The following DSG2 variants were observed in gnomAD, a reference collection of about 807,000 sequenced individuals.
DSG2 encodes desmoglein-2.
Under a neutral mutation model 75.6 loss-of-function variants are expected in DSG2, and 45 were observed. The observed-to-expected ratio is 0.60, with a 90% CI of 0.47 to 0.76. The LOEUF is 0.76. Ranked by LOEUF, DSG2 falls within the 30% of genes least tolerant of loss-of-function variation. The pLI, the probability that DSG2 is intolerant of heterozygous loss-of-function variation, is 0.00. For missense variants in DSG2, 1,267 were observed against 1,357.4 expected (o/e 0.93, Z 1.05); for synonymous variants, 429 against 483.9 (o/e 0.89, Z 1.49).
At chr18:31,511,069 C>T (rs2073063743) in intron 1 of DSG2, among the ~76,000 whole-genome samples, 1 of 152,186 alleles carries the variant, frequency 6.6e-6, no homozygotes, top group Non-Finnish European at 1.5e-5. Context: ...AGTCATGTTA[C>T]TTGCAGTATA....
chr18:31,514,399 T>G (rs2073082757), intron 1 of DSG2, among the ~76,000 whole-genome samples: 1 of 152,194 alleles, frequency 6.6e-6, no homozygotes, highest in Non-Finnish European at 1.5e-5. Flanking sequence ...TTTATACATG[T>G]TTGCAATTTA....
intron 6 of DSG2, 110 bp from the exon 7 acceptor site, chr18:31,524,338 G>T: frequency 7.0e-7 from 1 of 1,436,764 alleles, no homozygotes. Flanking sequence ...TCATAAAACA[G>T]ATTTGTAAAT....
At chr18:31,526,762 G>A (rs570114598) in intron 8 of DSG2, among the ~76,000 whole-genome samples, 8 of 152,206 alleles carry the variant, frequency 5.3e-5, no homozygotes, top group South Asian at 2.1e-4. Context: ...CGATGGCCCC[G>A]TTAAATTATC....
intron 1 of DSG2, among the ~76,000 whole-genome samples, chr18:31,512,258 G>A (rs775640365): frequency 2.8e-4 from 42 of 152,226 alleles, no homozygotes; most frequent in Admixed American, 1.9e-3. Context: ...TGGAAATGGT[G>A]CCTTCACTCA....
Position 31,538,844 on chromosome 18 carries a change from A to G in DSG2, c.1745A>G (p.Glu582Gly), listed in dbSNP as rs1233167766. The G allele has an allele frequency of 6.2e-7, 1 of 1,614,098 alleles. No individual in the cohort carries two copies. Among genetic ancestry groups the G allele is most frequent in the African/African-American group, 1.3e-5 (1 of 74,932 alleles). The change falls in exon 12 of 15, where the codon GAA becomes GGA. Residue 582 changes from glutamate to glycine, a missense_variant. Physicochemically the swap from Glu to Gly is moderately conservative, Grantham distance 98. Transcript: ENST00000261590. The part of the protein sequence containing the change: ...ISDNQGFSCP[E>G]KQVLTLTVCE... ...GACAATCAGGGTTTTAGTTGTCCTG[A>G]AAAGCAGGTCCTTACACTCACAGTT...
chr18:31,528,777 T>A lies in DSG2; in HGVS notation c.1015-2210T>A, dbSNP rs192108286. 2.6e-5 allele frequency among the ~76,000 whole-genome samples: 4 copies of A among 151,948 alleles called. No homozygotes were observed. The East Asian group carries it at 7.7e-4, about 29-fold the overall frequency. On this transcript the variant is annotated intron_variant, in intron 8 of 14. Coordinates refer to ENST00000261590, the MANE Select transcript of DSG2 (RefSeq NM_001943.5). ...GGAGCCAGACACAAAATAGTACATA[T>A]TACATGATTCCATTTACTTGAAATT...
chr18:31,522,415 A>G (rs1027117131), intron 6 of DSG2, 166 bp downstream of exon 6: 58 of 643,950 alleles, frequency 9.0e-5, no homozygotes, highest in Non-Finnish European at 1.4e-4. Flanking sequence ...GGGCCATGTG[A>G]CTATTGAGCA....
At chr18:31,512,597 AGGATAAAAC>A (rs1219432274) in intron 1 of DSG2, among the ~76,000 whole-genome samples, 1 of 152,216 alleles carries the variant, frequency 6.6e-6, no homozygotes, top group Non-Finnish European at 1.5e-5. Context: ...TCTCACACTC[AGGATAAAAC>A]CCAAAGTCCT....
At chr18:31,533,625 C>G (rs1374888403) in intron 9 of DSG2, among the ~76,000 whole-genome samples, 1 of 152,196 alleles carries the variant, frequency 6.6e-6, no homozygotes, top group African/African-American at 2.4e-5. Context: ...ATCCCTATTT[C>G]TAAGACTCTG....
intron 1 of DSG2, among the ~76,000 whole-genome samples, chr18:31,515,045 G>A (rs2073086483): frequency 6.6e-6 from 1 of 152,150 alleles, no homozygotes; most frequent in African/African-American, 2.4e-5. Flanking sequence ...ACTTAATATG[G>A]CCTGTATCAA....
In DSG2 at chr18:31,529,026, CA is replaced by C. The variant is rs1160222947; in HGVS notation, c.1015-1956del. ...TAAGTTATACCTGAATGAAGCTGTC[CA>C]AAAAGGATAAAGGAGATGAACGGAT... On this transcript the variant is annotated intron_variant, in intron 8 of 14. Coordinates refer to ENST00000261590, the MANE Select transcript of DSG2 (RefSeq NM_001943.5). Among the ~76,000 whole-genome samples, 77 of 151,618 alleles carry C rather than the reference CA, an allele frequency of 5.1e-4. 4 individuals are homozygous for C.
intron 8 of DSG2, among the ~76,000 whole-genome samples, chr18:31,530,703 G>A (rs1342028791): frequency 6.6e-6 from 1 of 152,130 alleles, no homozygotes; most frequent in Non-Finnish European, 1.5e-5. Context: ...ACAGGCATGA[G>A]CCACCATGCC....
intron 1 of DSG2, among the ~76,000 whole-genome samples, chr18:31,509,498 T>G (rs1200803113): frequency 1.3e-5 from 2 of 152,164 alleles, no homozygotes; most frequent in African/African-American, 2.4e-5. Context: ...TGAGTGAGAC[T>G]GCTATAGGAG....
At chr18:31,512,524 C>G (rs1006285244) in intron 1 of DSG2, among the ~76,000 whole-genome samples, 1 of 152,236 alleles carries the variant, frequency 6.6e-6, no homozygotes. Context: ...GTAGCACCAG[C>G]GAGCTTTTTC....
chr18:31,518,576 A>G (rs1252511763), intron 2 of DSG2, among the ~76,000 whole-genome samples: 1 of 152,234 alleles, frequency 6.6e-6, no homozygotes, highest in African/African-American at 2.4e-5. Context: ...TTTTTATAGC[A>G]AAAAGACCTT....
intron 1 of DSG2, among the ~76,000 whole-genome samples, chr18:31,502,202 A>G (rs1010007329): frequency 2.6e-5 from 4 of 152,190 alleles, no homozygotes; most frequent in Non-Finnish European, 4.4e-5. Context: ...CCGATAAGCT[A>G]AATTAAAGTT....
At chr18:31,541,355 G>A (rs1041773265) in intron 13 of DSG2, 41 bp downstream of exon 13, 3 of 1,610,682 alleles carry the variant, frequency 1.9e-6, no homozygotes, top group African/African-American at 2.7e-5. Flanking sequence ...CTTCTTCTTG[G>A]GTTTTAAAGG....
chr18:31,511,823 G>A (rs1568102342), intron 1 of DSG2, among the ~76,000 whole-genome samples: 1 of 152,094 alleles, frequency 6.6e-6, no homozygotes, highest in Admixed American at 6.6e-5. Flanking sequence ...CCAGTAACGA[G>A]GTGAAGAAAC....
At chr18:31,533,604 T>A (rs2073210818) in intron 9 of DSG2, among the ~76,000 whole-genome samples, 1 of 152,236 alleles carries the variant, frequency 6.6e-6, no homozygotes, top group Non-Finnish European at 1.5e-5. Context: ...GCAAACACAT[T>A]GTGAAATGTA....
Sources: gnomAD v4.1 joint callset for allele counts (sites outside exome capture counted in the v4.1 genomes callset) on GRCh38, gnomAD v4.1.1 for gene constraint, MANE v1.5 for transcripts, NCBI Gene and HGNC (gene_info 2026-07-23, HGNC 2026-07-21) for gene names.